VPS25: variants seen among roughly 807,000 people sequenced by gnomAD.
VPS25 encodes vacuolar protein sorting 25 homolog.
VPS25 carries 21 observed loss-of-function variants against 30.3 expected under a neutral mutation model. That is an observed-to-expected ratio of 0.69 (90% CI 0.49 to 1.00). VPS25 has a LOEUF of 1.00. Ranked by LOEUF, VPS25 falls within the 50% of genes least tolerant of loss-of-function variation. VPS25 has a pLI of 0.00. For synonymous variants in VPS25, 101 were observed against 88.1 expected (o/e 1.15, Z -0.82); for missense variants, 156 against 217.2 (o/e 0.72, Z 1.77).
intron 5 of VPS25, among the ~76,000 whole-genome samples, chr17:42,777,700 G>T (rs556171690): frequency 6.6e-6 from 1 of 152,180 alleles, no homozygotes; most frequent in Non-Finnish European, 1.5e-5. Context: ...CAGCTGAAGA[G>T]ATTAGGCCAA....
At chr17:42,775,202 C>T in intron 3 of VPS25, 179 bp from the exon 4 acceptor site, 1 of 560,386 alleles carries the variant, frequency 1.8e-6, no homozygotes, top group Middle Eastern at 4.7e-4. Context: ...TGTCACCACA[C>T]ACCTGGCTAA....
chr17:42,776,177 G>A (rs2054434249), intron 4 of VPS25, 68 bp from the exon 5 acceptor site: 28 of 1,354,730 alleles, frequency 2.1e-5, no homozygotes, highest in African/African-American at 2.9e-5. Context: ...GAGGGGTGGA[G>A]CTGATGAATT....
Position 42,776,106 on chromosome 17 carries a change from A to G in VPS25, c.343-139A>G, listed in dbSNP as rs574611061. 4.4e-5 allele frequency: 30 copies of G among 685,564 alleles called. No homozygotes were observed. The South Asian group carries it at 5.5e-4, about 12-fold the overall frequency. The allele number at this position is 685,564 out of a possible 1,614,324, so 42.5% of individuals were successfully genotyped here. On this transcript the variant is annotated intron_variant, in intron 4 of 5. Transcript: ENST00000253794. ...AGCACTTGTAGGGTTTATGGCTTTT[A>G]GGCCACTCTGCAGAGGCGACAGTGA...
intron 4 of VPS25, among the ~76,000 whole-genome samples, 195 bp downstream of exon 4, chr17:42,775,664 C>G (rs1568023104): frequency 6.6e-6 from 1 of 152,184 alleles, no homozygotes; most frequent in Non-Finnish European, 1.5e-5. Context: ...ACCTCCCTTT[C>G]TTTGCCTGTA....
chr17:42,778,904 A>G (rs1374775324), intron 5 of VPS25, 53 bp from the exon 6 acceptor site: 1 of 1,550,678 alleles, frequency 6.4e-7, no homozygotes. Context: ...CACTCTCCTC[A>G]GAGGCCTTGG....
intron 4 of VPS25, 109 bp downstream of exon 4, chr17:42,775,578 G>A: frequency 1.2e-6 from 1 of 826,976 alleles, no homozygotes; most frequent in Non-Finnish European, 1.9e-6. Flanking sequence ...AGCAAAATGG[G>A]GAGGGGGCAG....
At chr17:42,773,615 G>A (rs1351597232) in intron 1 of VPS25, 87 bp downstream of exon 1, 3 of 1,607,298 alleles carry the variant, frequency 1.9e-6, no homozygotes, top group Non-Finnish European at 2.6e-6. Context: ...ATATGGGGAG[G>A]GGGAGAAAAG....
chr17:42,776,636 A>G (rs1002128054), intron 5 of VPS25, among the ~76,000 whole-genome samples: 3 of 147,358 alleles, frequency 2.0e-5, no homozygotes, highest in African/African-American at 7.5e-5. Flanking sequence ...TGCTGGGATT[A>G]GAGGCGTGAG....
chr17:42,775,179 G>A (rs535648862), intron 3 of VPS25: 1 of 529,230 alleles, frequency 1.9e-6, no homozygotes, highest in South Asian at 2.3e-5. Context: ...GAGTAGTTGA[G>A]ACCTCAGGCA....
chr17:42,777,088 G>A (rs1187834616), intron 5 of VPS25, among the ~76,000 whole-genome samples: 1 of 152,134 alleles, frequency 6.6e-6, no homozygotes, highest in Non-Finnish European at 1.5e-5. Context: ...GCATGGTGCT[G>A]TGCACCAGTA....
chr17:42,776,200 G>A, intron 4 of VPS25, 45 bp from the exon 5 acceptor site: 1 of 1,542,100 alleles, frequency 6.5e-7, no homozygotes, highest in Non-Finnish European at 8.9e-7. Flanking sequence ...CTGTCTCCCA[G>A]GAGATTCTTG....
chr17:42,774,542 T>C, intron 2 of VPS25, 104 bp from the exon 3 acceptor site: 1 of 840,112 alleles, frequency 1.2e-6, no homozygotes. Flanking sequence ...CACACATATG[T>C]GTGTGGGAGA....
rs2054456674 is a variant in VPS25 at position 42,779,398 on chromosome 17, A to G, written c.*329A>G. ...GTACATACACACATGCGCCTGCAGC[A>G]CATGCTTCTGTCTCCTCCTCCTCCC... On this transcript the variant is annotated 3_prime_UTR_variant, in exon 6 of 6. Coordinates refer to ENST00000253794, the MANE Select transcript of VPS25 (RefSeq NM_032353.4). 8.6e-6 allele frequency: 2 copies of G among 231,728 alleles called. No individual in the cohort carries two copies. The highest frequency in any genetic ancestry group is 1.8e-5 in the Non-Finnish European group (2 of 112,222). 14.4% of individuals were successfully genotyped at this position (231,728 alleles called of 1,614,324 possible). A position where few individuals can be genotyped will look rare whatever the true frequency, so the allele number is the denominator to read the frequency against.
intron 3 of VPS25, chr17:42,775,047 T>C (rs151270458): frequency 0.013 from 3,901 of 302,928 alleles, 35 homozygotes; most frequent in Non-Finnish European, 0.018. Flanking sequence ...TTCATGATAC[T>C]TTTTTTTTGG....
chr17:42,773,646 A>C, intron 1 of VPS25, 87 bp from the exon 2 acceptor site: 1 of 1,605,084 alleles, frequency 6.2e-7, no homozygotes, highest in Non-Finnish European at 8.5e-7. Context: ...CAACACCCTC[A>C]GTCCCTTACT....
chr17:42,776,760 A>G (rs2054439063), intron 5 of VPS25, among the ~76,000 whole-genome samples: 1 of 150,846 alleles, frequency 6.6e-6, no homozygotes, highest in African/African-American at 2.4e-5. Flanking sequence ...TCCTATGTTC[A>G]AGCGATTCTA....
chr17:42,774,036 C>T, intron 2 of VPS25, 158 bp downstream of exon 2: 1 of 872,696 alleles, frequency 1.1e-6, no homozygotes, highest in Non-Finnish European at 1.7e-6. Flanking sequence ...TGACATTTTC[C>T]CCTGGCAAAT....
At chr17:42,776,389 G>A (rs1221930812) in intron 5 of VPS25, 69 bp downstream of exon 5, 2 of 1,433,556 alleles carry the variant, frequency 1.4e-6, no homozygotes, top group South Asian at 1.2e-5. Flanking sequence ...CCGATATGGA[G>A]TCTTGCTCTG....
Position 42,776,295 on chromosome 17 carries a change from T to C in VPS25, c.393T>C (p.Thr131=). ...NNSVFTLYEL[T]NGEDTEDEEF... ...CCGTCTTTACCCTGTATGAACTGAC[T>C]AATGGGGAAGACACAGAGGATGAGG... The change falls in exon 5 of 6, where the codon ACT becomes ACC. Residue 131 remains threonine, a synonymous_variant. Transcript: ENST00000253794. 6.2e-7 allele frequency: 1 copy of C among 1,613,676 alleles called. No individual in the cohort carries two copies.
Sources: gnomAD v4.1 joint callset for allele counts (sites outside exome capture counted in the v4.1 genomes callset) on GRCh38, gnomAD v4.1.1 for gene constraint, MANE v1.5 for transcripts, NCBI Gene and HGNC (gene_info 2026-07-23, HGNC 2026-07-21) for gene names.